Variants in LAMA2 observed in about 807,000 individuals in gnomAD.
LAMA2 encodes the protein laminin subunit alpha-2.
A neutral mutation model predicts 364.8 loss-of-function variants in LAMA2; 269 were observed. That is an observed-to-expected ratio of 0.74 (90% CI 0.67 to 0.82). The LOEUF (loss-of-function observed/expected upper bound fraction) is 0.82, where lower values mean the gene tolerates loss of function less well. Ranked by LOEUF, LAMA2 falls within the 40% of genes least tolerant of loss-of-function variation. The probability of loss-of-function intolerance (pLI) is 0.00; values close to 1 mark genes in which losing one functional copy is unlikely to be tolerated. For synonymous variants in LAMA2, 1,379 were observed against 1,370.6 expected (o/e 1.01, Z -0.14); for missense variants, 3,807 against 3,873.2 (o/e 0.98, Z 0.45).
At chr6:129,075,955 C>T (rs958965550) in intron 3 of LAMA2, among the ~76,000 whole-genome samples, 4 of 151,764 alleles carry the variant, frequency 2.6e-5, no homozygotes. Flanking sequence ...AAAAATTAGC[C>T]AGGCATAGTA....
intron 1 of LAMA2, among the ~76,000 whole-genome samples, chr6:128,983,865 G>A (rs969381843): frequency 3.3e-5 from 5 of 152,170 alleles, no homozygotes; most frequent in African/African-American, 1.2e-4. Context: ...GAAGTCACAT[G>A]GCTGCAGTTG....
At chr6:129,238,541 C>A (rs2115149399) in intron 12 of LAMA2, among the ~76,000 whole-genome samples, 1 of 147,064 alleles carries the variant, frequency 6.8e-6, no homozygotes. Context: ...CACATGAAAC[C>A]ACTGAGCGTG....
intron 12 of LAMA2, among the ~76,000 whole-genome samples, chr6:129,234,361 A>G (rs1490382781): frequency 6.6e-6 from 1 of 152,168 alleles, no homozygotes; most frequent in African/African-American, 2.4e-5. Context: ...AATTCTTCCA[A>G]TCTAGTTGTT....
intron 1 of LAMA2, among the ~76,000 whole-genome samples, chr6:128,951,841 C>T (rs1409698909): frequency 6.6e-6 from 1 of 152,052 alleles, no homozygotes; most frequent in Non-Finnish European, 1.5e-5. Context: ...TTCTATATTT[C>T]ATAAGTAAAC....
intron 41 of LAMA2, among the ~76,000 whole-genome samples, chr6:129,437,406 C>T (rs530908631): frequency 6.6e-6 from 1 of 152,040 alleles, no homozygotes; most frequent in East Asian, 1.9e-4. Context: ...ACATTCAATG[C>T]TTGTCAGGCA....
intron 29 of LAMA2, among the ~76,000 whole-genome samples, chr6:129,329,883 C>G (rs946983266): frequency 2.6e-5 from 4 of 152,152 alleles, no homozygotes; most frequent in African/African-American, 9.7e-5. Flanking sequence ...GCTTCATTAG[C>G]ATTTACAGCT....
At position 129,440,937 on chromosome 6, in the gene LAMA2, C is replaced by T. The variant is rs143343647; in HGVS notation, c.6207C>T (p.Tyr2069=). The T allele has an allele frequency of 6.2e-7, 1 of 1,613,932 alleles. No homozygotes were observed. The highest frequency in any genetic ancestry group is 8.5e-7 in the Non-Finnish European group (1 of 1,179,870). Residue 2069 remains tyrosine (Y), a synonymous_variant, in exon 43 of 65, where the codon TAC becomes TAT. Coordinates refer to ENST00000421865, the MANE Select transcript of LAMA2 (RefSeq NM_000426.4). ...HQNLDGLKKN[Y]NKLADSVAKT... ...ACCTCGATGGCCTGAAGAAGAATTA[C>T]AATAAACTAGCAGACAGCGTCGCCA...
rs560719354 is a variant in LAMA2, at chr6:129,364,901, C to A, written c.4718-1318C>A. Reference sequence around the variant, plus strand: ...TGGCAGAAGGCAAAGCTGGAGCAGGCATCTTCACACAGGCAGAGCAGGAGG... The same window carrying A: ...TGGCAGAAGGCAAAGCTGGAGCAGGAATCTTCACACAGGCAGAGCAGGAGG... On this transcript the variant is annotated intron_variant, in intron 32 of 64. Transcript: ENST00000421865. Among the ~76,000 whole-genome samples, 109 of 152,320 alleles carry A rather than the reference C, an allele frequency of 7.2e-4. No homozygotes were observed. The Middle Eastern group carries it at 0.014, about 19-fold the overall frequency.
At chr6:129,191,153 G>A (rs1337242388) in intron 11 of LAMA2, among the ~76,000 whole-genome samples, 3 of 152,170 alleles carry the variant, frequency 2.0e-5, no homozygotes, top group South Asian at 2.1e-4. Context: ...AAGAATTTGA[G>A]ATATTTTACT....
At chr6:129,201,348 C>CAG (rs1020434752) in intron 12 of LAMA2, among the ~76,000 whole-genome samples, 18 of 152,182 alleles carry the variant, frequency 1.2e-4, no homozygotes, top group African/African-American at 2.9e-4. Flanking sequence ...CTGACCTGCA[C>CAG]AGAGAGAGAG....
At position 129,328,318 on chromosome 6, in the gene LAMA2, G is replaced by T. The variant is rs758571738; in HGVS notation, c.4217G>T (p.Gly1406Val). ...TTTTATCGACTGCGTTCTCAACCAG[G>T]TGGCCGCACCCCTGGACCAACCCTG... Reference protein sequence around the residue: ...PGFYRLRSQPGGRTPGPTLGT... With the variant: ...PGFYRLRSQPVGRTPGPTLGT... Residue 1406 changes from glycine (G) to valine (V), a missense_variant, in exon 29 of 65, where the codon GGT becomes GTT. Gly to Val is a moderately radical substitution (Grantham distance 109, BLOSUM62 -3). Transcript: ENST00000421865. 9 of 1,614,126 alleles carry T rather than the reference G, an allele frequency of 5.6e-6. No individual in the cohort carries two copies. The highest frequency in any genetic ancestry group is 1.6e-4 in the Middle Eastern group (1 of 6,062).
Position 129,516,412 on chromosome 6 carries a change from A to ATATTT in LAMA2, c.*68_*72dup. ...AGTATATCAAGTAAAACAAACAAAT[A>ATATTT]TATTTTACCTATATATGTTAATTAA... On this transcript the variant is annotated 3_prime_UTR_variant, in exon 65 of 65. Coordinates refer to ENST00000421865, the MANE Select transcript of LAMA2 (RefSeq NM_000426.4). 1 of 1,466,206 alleles carries ATATTT rather than the reference A, an allele frequency of 6.8e-7. No individual in the cohort carries two copies. Among genetic ancestry groups the ATATTT allele is most frequent in the Non-Finnish European group, 9.4e-7 (1 of 1,060,914 alleles). The allele number at this position is 1,466,206 out of a possible 1,614,324, so 90.8% of individuals were successfully genotyped here. A position where few individuals can be genotyped will look rare whatever the true frequency, so the allele number is the denominator to read the frequency against.
chr6:129,174,234 C>T (rs929620848), intron 9 of LAMA2, among the ~76,000 whole-genome samples: 1 of 151,954 alleles, frequency 6.6e-6, no homozygotes, highest in African/African-American at 2.4e-5. Flanking sequence ...TTTTATAATA[C>T]TTAATTTTTT....
At chr6:128,956,859 T>G (rs1322567235) in intron 1 of LAMA2, among the ~76,000 whole-genome samples, 1 of 152,070 alleles carries the variant, frequency 6.6e-6, no homozygotes, top group Non-Finnish European at 1.5e-5. Context: ...TATGATGGAT[T>G]TTATGTGTGA....
chr6:129,107,276 CA>C (rs1465509357), intron 4 of LAMA2, among the ~76,000 whole-genome samples: 1 of 152,116 alleles, frequency 6.6e-6, no homozygotes, highest in Non-Finnish European at 1.5e-5. Context: ...ATTTTTATGG[CA>C]AAACTCTCTT....
intron 1 of LAMA2, among the ~76,000 whole-genome samples, chr6:128,950,693 A>G (rs1780759101): frequency 1.3e-5 from 2 of 152,094 alleles, no homozygotes; most frequent in Admixed American, 6.6e-5. Flanking sequence ...GTAAATTGGG[A>G]ATAATAAGGT....
chr6:129,278,405 C>T (rs1788474474), intron 17 of LAMA2, among the ~76,000 whole-genome samples: 1 of 152,126 alleles, frequency 6.6e-6, no homozygotes, highest in Admixed American at 6.6e-5. Context: ...TACAGAATGC[C>T]AATTTTCAAA....
chr6:129,340,830 C>CAAAAAAAAAAAA (rs34264921), intron 29 of LAMA2, among the ~76,000 whole-genome samples: 4 of 59,580 alleles, frequency 6.7e-5, no homozygotes, highest in Non-Finnish European at 1.1e-4. Flanking sequence ...AGCTCTGTCT[C>CAAAAAAAAAAAA]AAAAAAAAAA....
intron 3 of LAMA2, among the ~76,000 whole-genome samples, chr6:129,089,001 CA>C (rs1305782444): frequency 2.2e-5 from 1 of 45,852 alleles, no homozygotes; most frequent in Admixed American, 4.5e-4. Flanking sequence ...GAGATCACAC[CA>C]CTGCACTCCA....
Sources: allele counts gnomAD v4.1 joint callset (sites outside exome capture counted in the v4.1 genomes callset), GRCh38; gene constraint gnomAD v4.1.1; transcripts MANE v1.5; gene names NCBI Gene and HGNC (gene_info 2026-07-23, HGNC 2026-07-21).